LTBP1: variants seen among roughly 807,000 people sequenced by gnomAD.
LTBP1 encodes latent transforming growth factor beta binding protein 1, also known as latent-transforming growth factor beta-binding protein 1.
Under a neutral mutation model 207.6 loss-of-function variants are expected in LTBP1, and 129 were observed. That is an observed-to-expected ratio of 0.62 (90% confidence interval 0.54 to 0.72). The LOEUF (loss-of-function observed/expected upper bound fraction) is 0.72, where lower values mean the gene tolerates loss of function less well. Among genes scored for constraint, LTBP1 ranks in the 30% least tolerant of loss-of-function variants. LTBP1 has a pLI of 0.00. For missense variants in LTBP1, 2,281 were observed against 2,217.2 expected, an observed-to-expected ratio of 1.03 and a Z score of -0.58; for synonymous variants, 963 against 833.7, an observed-to-expected ratio of 1.16 and a Z score of -2.67.
chr2:33,070,309 G>A (rs2077724559), intron 3 of LTBP1, among the ~76,000 whole-genome samples: 1 of 152,200 alleles, frequency 6.6e-6, no homozygotes, highest in Non-Finnish European at 1.5e-5. Context: ...TTTGCTTAGG[G>A]CCATGGCAAG....
intron 31 of LTBP1, among the ~76,000 whole-genome samples, chr2:33,368,115 G>A (rs928478648): frequency 6.6e-6 from 1 of 152,096 alleles, no homozygotes; most frequent in Non-Finnish European, 1.5e-5. Context: ...GCTGAGGCAG[G>A]AGAATAGCTT....
Position 33,300,528 on chromosome 2 carries a change from T to C in LTBP1, c.3313T>C (p.Cys1105Arg). The change falls in exon 21 of 34, where the codon TGT (cysteine) becomes CGT (arginine). Residue 1105 changes from cysteine (C) to arginine (R), a missense_variant. Around this residue, in one of 3 missense-constraint regions of LTBP1, gnomAD observed 1,671 missense variants for 1,634.8 expected, o/e 1.02. Coordinates refer to ENST00000404816, the MANE Select transcript of LTBP1 (RefSeq NM_206943.4). ...KNTEGSFRCT[C>R]GQGYQLSAAK... ...TACCGAGGGCTCCTTCAGGTGCACC[T>C]GTGGACAGGGGTACCAGCTGTCGGC... 1.2e-6 allele frequency: 2 copies of C among 1,613,730 alleles called. No homozygotes were observed. The highest frequency in any genetic ancestry group is 1.7e-6 in the Non-Finnish European group (2 of 1,179,714).
At chr2:33,129,358 G>C (rs1198459864) in intron 4 of LTBP1, among the ~76,000 whole-genome samples, 1 of 152,182 alleles carries the variant, frequency 6.6e-6, no homozygotes, top group African/African-American at 2.4e-5. Context: ...CTTGCTGTCG[G>C]CATTCCAGTA....
intron 3 of LTBP1, among the ~76,000 whole-genome samples, chr2:33,024,289 A>ACATGCT (rs2075312782): frequency 6.6e-6 from 1 of 152,178 alleles, no homozygotes; most frequent in Non-Finnish European, 1.5e-5. Context: ...AGCAGATAGG[A>ACATGCT]CATGCTGGGT....
intron 2 of LTBP1, among the ~76,000 whole-genome samples, chr2:32,951,058 C>G (rs1010792573): frequency 6.6e-6 from 1 of 152,160 alleles, no homozygotes; most frequent in African/African-American, 2.4e-5. Context: ...TCAGAAAAAT[C>G]AGTGTTGAAG....
At chr2:33,031,728 C>G (rs1033757463) in intron 3 of LTBP1, among the ~76,000 whole-genome samples, 1 of 152,104 alleles carries the variant, frequency 6.6e-6, no homozygotes, top group Non-Finnish European at 1.5e-5. Context: ...GAATTGATCT[C>G]TTTGTGGGGA....
At chr2:33,289,785 G>A (rs528757565) in intron 19 of LTBP1, among the ~76,000 whole-genome samples, 1 of 152,294 alleles carries the variant, frequency 6.6e-6, no homozygotes, top group Admixed American at 6.5e-5. Context: ...TGAACATTCT[G>A]TAAGACCATA....
intron 3 of LTBP1, among the ~76,000 whole-genome samples, chr2:33,043,902 A>T (rs1335543769): frequency 2.0e-5 from 3 of 152,120 alleles, no homozygotes; most frequent in Admixed American, 6.5e-5. Flanking sequence ...GCTTAAGCAA[A>T]AAGGAAGGGA....
At chr2:33,170,381 C>T (rs558060856) in intron 5 of LTBP1, among the ~76,000 whole-genome samples, 1 of 152,272 alleles carries the variant, frequency 6.6e-6, no homozygotes, top group African/African-American at 2.4e-5. Flanking sequence ...GGGTCCTACG[C>T]CCATAGAGTC....
At chr2:33,288,911 C>G (rs2093721664) in intron 19 of LTBP1, among the ~76,000 whole-genome samples, 1 of 151,376 alleles carries the variant, frequency 6.6e-6, no homozygotes, top group African/African-American at 2.4e-5. Flanking sequence ...TTACTGACCA[C>G]TGAGCTTCAT....
intron 3 of LTBP1, among the ~76,000 whole-genome samples, chr2:33,024,888 A>G (rs1326268125): frequency 1.3e-5 from 2 of 152,214 alleles, no homozygotes; most frequent in African/African-American, 2.4e-5. Context: ...GCTGCAGCCA[A>G]GCAGTCAGCA....
rs145029619 is a variant in LTBP1, at chr2:33,398,394, G to A, written c.5015G>A (p.Arg1672Gln). The A allele has an allele frequency of 4.6e-5, 74 of 1,613,944 alleles. No homozygotes were observed. The highest frequency in any genetic ancestry group is 2.7e-4 in the South Asian group (25 of 91,028). The change falls in exon 34 of 34, where the codon CGG becomes CAG. Residue 1672 changes from arginine (R) to glutamine (Q), a missense_variant. Transcript: ENST00000404816. The stretch of plus-strand genomic sequence containing the variant: ...AATGAATGCGATGAGTTGAACAACC[G>A]GATGTCTCTCTGCAAGAATGCCAAG... ...DVNECDELNN[R>Q]MSLCKNAKCI...
intron 2 of LTBP1, among the ~76,000 whole-genome samples, chr2:32,959,615 A>AT (rs1232142524): frequency 6.1e-4 from 23 of 37,696 alleles, no homozygotes; most frequent in African/African-American, 1.6e-3. Context: ...ATATATATAT[A>AT]TATATATTTT....
chr2:33,040,163 T>C (rs219213), intron 3 of LTBP1, among the ~76,000 whole-genome samples: 134,311 of 151,902 alleles, frequency 0.88, 61,480 homozygotes, highest in East Asian at 1. Flanking sequence ...ATCCTGGGTC[T>C]TGATTATGGG....
chr2:32,950,545 A>T (rs550382059), intron 2 of LTBP1, among the ~76,000 whole-genome samples: 1 of 121,070 alleles, frequency 8.3e-6, no homozygotes, highest in Non-Finnish European at 1.7e-5. Flanking sequence ...GGTGACAATG[A>T]CTCTGTCTCA....
intron 5 of LTBP1, among the ~76,000 whole-genome samples, chr2:33,175,404 T>C (rs2085927184): frequency 6.6e-6 from 1 of 151,708 alleles, no homozygotes; most frequent in Non-Finnish European, 1.5e-5. Context: ...CATGAAAAAA[T>C]GCTCATCATC....
rs367631075 is a variant in LTBP1, at chr2:33,322,562, A to G, written c.3730+7293A>G. Among the ~76,000 whole-genome samples, 50 of 152,366 alleles carry G rather than the reference A, an allele frequency of 3.3e-4. No individual in the cohort carries two copies. In the South Asian group the frequency reaches 8.9e-3, roughly 27 times the overall value. The stretch of plus-strand genomic sequence containing the variant: ...GATTGCATGATTTTATTAAAACAGT[A>G]GCAAGAATAATGTATAATAGCATTC... On this transcript the variant is annotated intron_variant, in intron 24 of 33. Coordinates refer to ENST00000404816, the MANE Select transcript of LTBP1 (RefSeq NM_206943.4).
intron 9 of LTBP1, among the ~76,000 whole-genome samples, chr2:33,240,849 A>G (rs1014820789): frequency 1.3e-5 from 2 of 151,654 alleles, no homozygotes; most frequent in African/African-American, 4.8e-5. Flanking sequence ...ACGGGGTTTC[A>G]CTGTGTTAGC....
chr2:33,172,864 T>G (rs1350475936), intron 5 of LTBP1, among the ~76,000 whole-genome samples: 3 of 151,928 alleles, frequency 2.0e-5, no homozygotes, highest in Non-Finnish European at 2.9e-5. Context: ...TCAAAACTGC[T>G]CAACTACATG....
Sources: gnomAD v4.1 joint callset for allele counts (sites outside exome capture counted in the v4.1 genomes callset) on GRCh38, gnomAD v4.1.1 for gene constraint, gnomAD v4.1.1 regional missense constraint, MANE v1.5 for transcripts, NCBI Gene and HGNC (gene_info 2026-07-23, HGNC 2026-07-21) for gene names.